CELF1: variants seen among roughly 807,000 people sequenced by gnomAD.
CELF1 encodes the protein 50 kDa nuclear polyadenylated RNA-binding protein.
A neutral mutation model predicts 61.8 loss-of-function variants in CELF1; 10 were observed. The ratio of observed to expected loss-of-function variants is 0.16; its 90% CI spans 0.10 to 0.27. The LOEUF (loss-of-function observed/expected upper bound fraction) is 0.27. Among genes scored for constraint, CELF1 ranks in the 10% least tolerant of loss-of-function variants. The pLI, the probability that CELF1 is intolerant of heterozygous loss-of-function variation, is 1.00. For missense variants in CELF1, 380 were observed against 639.1 expected (o/e 0.59, Z 4.37); for synonymous variants, 236 against 225.1 (o/e 1.05, Z -0.43).
chr11:47,515,573 T>G lies in CELF1; in HGVS notation c.-153-14641A>C, dbSNP rs137945851. 1.3e-3 allele frequency among the ~76,000 whole-genome samples: 202 copies of G among 152,348 alleles called. No individual in the cohort carries two copies. The Middle Eastern group carries it at 0.017, about 13-fold the overall frequency. ...GGCTGCACCATATGTTAGTACCATGTAGGCAGAATGTGACTAATTTTTTTC... is the reference window on the plus strand; with the variant it reads ...GGCTGCACCATATGTTAGTACCATGGAGGCAGAATGTGACTAATTTTTTTC... On this transcript the variant is annotated intron_variant, in intron 1 of 14. Transcript: ENST00000687097.
chr11:47,549,953 A>G (rs1392936359), intron 1 of CELF1, among the ~76,000 whole-genome samples: 2 of 151,888 alleles, frequency 1.3e-5, no homozygotes, highest in Non-Finnish European at 2.9e-5. Context: ...AGTAGCTGGG[A>G]CTACAGGCAC....
chr11:47,487,033 T>TTTA, intron 5 of CELF1, 126 bp downstream of exon 5: 1 of 804,932 alleles, frequency 1.2e-6, no homozygotes, highest in Non-Finnish European at 2.1e-6. Flanking sequence ...TATGTCTTCC[T>TTTA]TTACATCAAT....
chr11:47,555,513 C>T (rs1335455755), upstream of CELF1, among the ~76,000 whole-genome samples: 1 of 152,130 alleles, frequency 6.6e-6, no homozygotes, highest in African/African-American at 2.4e-5. Context: ...AGGCCACAGA[C>T]TGTTAGCCCA....
chr11:47,475,672 G>A, intron 12 of CELF1, 151 bp from the exon 13 acceptor site: 1 of 746,290 alleles, frequency 1.3e-6, no homozygotes, highest in Non-Finnish European at 2.1e-6. Flanking sequence ...CTATCTGACT[G>A]GCTAGATTTC....
At chr11:47,508,463 A>G (rs2094712411) in intron 1 of CELF1, among the ~76,000 whole-genome samples, 1 of 151,952 alleles carries the variant, frequency 6.6e-6, no homozygotes, top group African/African-American at 2.4e-5. Flanking sequence ...AATACACAAA[A>G]GGGTAAGGGA....
At chr11:47,528,890 C>CA (rs112934426) in intron 1 of CELF1, among the ~76,000 whole-genome samples, 30,111 of 140,850 alleles carry the variant, frequency 0.21, 3,447 homozygotes, top group East Asian at 0.31. Context: ...GACCCTGCCT[C>CA]AAAAAAAAAA....
intron 9 of CELF1, among the ~76,000 whole-genome samples, chr11:47,482,077 T>G (rs745877626): frequency 6.6e-6 from 1 of 152,004 alleles, no homozygotes; most frequent in Non-Finnish European, 1.5e-5. Context: ...ATGGTGTGTG[T>G]CTGTAGTCCC....
intron 1 of CELF1, among the ~76,000 whole-genome samples, chr11:47,515,452 C>A (rs1217837033): frequency 6.6e-6 from 1 of 152,204 alleles, no homozygotes; most frequent in Non-Finnish European, 1.5e-5. Context: ...AGTTTCACTG[C>A]CCTGCCATGA....
In CELF1 at chr11:47,478,797, A is replaced by G; in HGVS notation, c.844+80T>C. ...GCAAAAAAATGTTTTCACAGAAACGATGCCAAACTCCCAAGACTGTTGTTA... is the reference window on the plus strand; with the variant it reads ...GCAAAAAAATGTTTTCACAGAAACGGTGCCAAACTCCCAAGACTGTTGTTA... On this transcript the variant is annotated intron_variant, in intron 10 of 14. Coordinates refer to ENST00000687097, the MANE Select transcript of CELF1 (RefSeq NM_001376376.1). The G allele has an allele frequency of 2.6e-6, 3 of 1,163,042 alleles. No individual in the cohort carries two copies. The South Asian group carries it at 3.9e-5, about 15-fold the overall frequency. 72.0% of individuals were successfully genotyped at this position (1,163,042 alleles called of 1,614,324 possible).
At chr11:47,548,062 A>T (rs2097024443) in intron 1 of CELF1, among the ~76,000 whole-genome samples, 1 of 152,170 alleles carries the variant, frequency 6.6e-6, no homozygotes, top group Non-Finnish European at 1.5e-5. Context: ...ACACTTTGGG[A>T]GGCTGAGGCA....
chr11:47,502,128 C>T (rs2093984265), intron 1 of CELF1, among the ~76,000 whole-genome samples: 1 of 152,026 alleles, frequency 6.6e-6, no homozygotes, highest in African/African-American at 2.4e-5. Flanking sequence ...AACTTTTGTT[C>T]AAAAGAAGTC....
intron 6 of CELF1, among the ~76,000 whole-genome samples, chr11:47,485,899 C>T (rs1389672459): frequency 1.8e-4 from 27 of 147,386 alleles, no homozygotes; most frequent in Non-Finnish European, 3.6e-4. Context: ...TGGTGGCTCA[C>T]GCCTGTAATC....
intron 1 of CELF1, among the ~76,000 whole-genome samples, chr11:47,511,148 T>C (rs2153602509): frequency 6.6e-6 from 1 of 152,328 alleles, no homozygotes; most frequent in East Asian, 1.9e-4. Flanking sequence ...ATGGCACCAC[T>C]GCACTCCAGC....
chr11:47,554,408 G>A (rs948618506), upstream of CELF1, among the ~76,000 whole-genome samples: 1 of 152,044 alleles, frequency 6.6e-6, no homozygotes, highest in African/African-American at 2.4e-5. Context: ...CCATATATTT[G>A]CTGCTATAGG....
Position 47,548,079 on chromosome 11 carries a change from T to C in CELF1, c.-154+4913A>G, listed in dbSNP as rs182725384. Reference sequence around the variant, plus strand: ...ACTTTGGGAGGCTGAGGCAGGTGGATCACGAGGTCTGGAGTTCAAGACCAG... The same window carrying C: ...ACTTTGGGAGGCTGAGGCAGGTGGACCACGAGGTCTGGAGTTCAAGACCAG... On this transcript the variant is annotated intron_variant, in intron 1 of 14. Transcript: ENST00000687097. 1.9e-3 allele frequency among the ~76,000 whole-genome samples: 289 copies of C among 152,196 alleles called. 1 individual carries two copies. The highest frequency in any genetic ancestry group is 0.014 in the Middle Eastern group (4 of 294).
intron 4 of CELF1, among the ~76,000 whole-genome samples, chr11:47,488,470 A>C (rs1443020355): frequency 6.6e-6 from 1 of 152,232 alleles, no homozygotes; most frequent in Admixed American, 6.5e-5. Flanking sequence ...ATGTGGTTTA[A>C]CTTCAATTTT....
chr11:47,481,736 T>C (rs971451982), intron 9 of CELF1, among the ~76,000 whole-genome samples: 1 of 152,166 alleles, frequency 6.6e-6, no homozygotes, highest in Non-Finnish European at 1.5e-5. Context: ...CTGTAACATA[T>C]ACACTGCAGA....
chr11:47,489,932 CTTGTT>C (rs1218714929), intron 3 of CELF1, among the ~76,000 whole-genome samples: 2 of 23,478 alleles, frequency 8.5e-5, no homozygotes, highest in Admixed American at 7.6e-4. Context: ...AACATACCAT[CTTGTT>C]TTTTTTTTTT....
At chr11:47,482,215 T>A (rs975321231) in intron 9 of CELF1, among the ~76,000 whole-genome samples, 3 of 151,066 alleles carry the variant, frequency 2.0e-5, no homozygotes, top group African/African-American at 7.3e-5. Context: ...AAAAAATAAA[T>A]AAATAAATAA....
Sources: gnomAD v4.1 joint callset for allele counts (sites outside exome capture counted in the v4.1 genomes callset) on GRCh38, gnomAD v4.1.1 for gene constraint, MANE v1.5 for transcripts, NCBI Gene and HGNC (gene_info 2026-07-23, HGNC 2026-07-21) for gene names.